Variants in CADPS2 observed in about 807,000 individuals in gnomAD.
The protein encoded by CADPS2 is calcium-dependent secretion activator 2.
Under a neutral mutation model 172.5 loss-of-function variants are expected in CADPS2, and 93 were observed. The ratio of observed to expected loss-of-function variants is 0.54; its 90% CI spans 0.46 to 0.64. The LOEUF (loss-of-function observed/expected upper bound fraction) is 0.64, where lower values mean the gene tolerates loss of function less well. Ranked by LOEUF, CADPS2 falls within the 30% of genes least tolerant of loss-of-function variation. The pLI, the probability that CADPS2 is intolerant of heterozygous loss-of-function variation, is 0.00. For missense variants in CADPS2, 1,420 were observed against 1,565.9 expected (o/e 0.91, Z 1.57); for synonymous variants, 546 against 555.2 (o/e 0.98, Z 0.23).
intron 2 of CADPS2, among the ~76,000 whole-genome samples, chr7:122,680,004 C>G (rs924859454): frequency 6.6e-6 from 1 of 152,154 alleles, no homozygotes; most frequent in African/African-American, 2.4e-5. Context: ...GACCTATGTA[C>G]AGGAATGAAC....
intron 2 of CADPS2, chr7:122,698,548 G>T (rs2085509452): frequency 6.2e-7 from 1 of 1,613,968 alleles, no homozygotes; most frequent in African/African-American, 1.3e-5. Context: ...CACTCCACTG[G>T]CTCCCTTCTC....
At chr7:122,569,518 T>C (rs1013665805) in intron 7 of CADPS2, among the ~76,000 whole-genome samples, 2 of 147,132 alleles carry the variant, frequency 1.4e-5, no homozygotes, top group African/African-American at 5.2e-5. Flanking sequence ...CTTCACAGAA[T>C]TGGAAAAAAC....
intron 1 of CADPS2, among the ~76,000 whole-genome samples, chr7:122,798,288 G>C (rs987673085): frequency 6.6e-6 from 1 of 152,102 alleles, no homozygotes; most frequent in African/African-American, 2.4e-5. Flanking sequence ...CAGGGCTGCA[G>C]TTCACCCAGC....
intron 2 of CADPS2, among the ~76,000 whole-genome samples, chr7:122,689,843 G>A (rs945659165): frequency 3.3e-5 from 5 of 152,286 alleles, no homozygotes; most frequent in African/African-American, 1.2e-4. Context: ...GGTGGTGTCC[G>A]CAATGGGGGC....
At chr7:122,711,766 C>A (rs2088768671) in intron 2 of CADPS2, among the ~76,000 whole-genome samples, 2 of 152,074 alleles carry the variant, frequency 1.3e-5, no homozygotes, top group African/African-American at 4.8e-5. Context: ...GATTCTCCTG[C>A]CTCAGCCCCC....
At chr7:122,500,290 A>G (rs1563520637) in intron 9 of CADPS2, among the ~76,000 whole-genome samples, 1 of 152,120 alleles carries the variant, frequency 6.6e-6, no homozygotes, top group Non-Finnish European at 1.5e-5. Flanking sequence ...TGGCTTCCAC[A>G]GTGTGTGGCA....
At chr7:122,821,398 T>A (rs1226092907) in intron 1 of CADPS2, among the ~76,000 whole-genome samples, 2 of 152,010 alleles carry the variant, frequency 1.3e-5, no homozygotes, top group African/African-American at 4.8e-5. Context: ...ATTCTACTAC[T>A]CCTCAGGGAT....
At chr7:122,700,488 G>A (rs1270584567) in intron 2 of CADPS2, among the ~76,000 whole-genome samples, 1 of 152,080 alleles carries the variant, frequency 6.6e-6, no homozygotes, top group Non-Finnish European at 1.5e-5. Context: ...GTAGTATATG[G>A]TGTGTATATT....
intron 9 of CADPS2, among the ~76,000 whole-genome samples, chr7:122,493,773 T>C (rs1192163169): frequency 6.6e-6 from 1 of 151,990 alleles, no homozygotes; most frequent in Non-Finnish European, 1.5e-5. Context: ...CTTTCACTGT[T>C]ATTTGAGTTT....
At chr7:122,745,211 T>TA (rs1233810900) in intron 1 of CADPS2, among the ~76,000 whole-genome samples, 10 of 151,990 alleles carry the variant, frequency 6.6e-5, no homozygotes, top group Non-Finnish European at 1.3e-4. Context: ...TATTATTAAT[T>TA]ATAGTCACTA....
At chr7:122,417,487 A>G (rs955490041) in intron 17 of CADPS2, among the ~76,000 whole-genome samples, 2 of 152,346 alleles carry the variant, frequency 1.3e-5, no homozygotes, top group African/African-American at 2.4e-5. Context: ...GCAGTATGAG[A>G]CACACTTCCA....
intron 6 of CADPS2, among the ~76,000 whole-genome samples, chr7:122,613,518 A>T (rs1355492233): frequency 6.6e-6 from 1 of 152,134 alleles, no homozygotes; most frequent in Non-Finnish European, 1.5e-5. Context: ...ACCTAATGAC[A>T]CGTTTCTCAG....
At chr7:122,472,573 A>T (rs951001025) in intron 13 of CADPS2, among the ~76,000 whole-genome samples, 1 of 152,140 alleles carries the variant, frequency 6.6e-6, no homozygotes, top group South Asian at 2.1e-4. Context: ...GCAGTGGAAG[A>T]CCTTGTAGCA....
At chr7:122,518,931 C>T (rs1330224844) in intron 8 of CADPS2, among the ~76,000 whole-genome samples, 1 of 152,042 alleles carries the variant, frequency 6.6e-6, no homozygotes, top group East Asian at 1.9e-4. Context: ...TTAATTTCCA[C>T]CAACCTACAG....
At chr7:122,820,556 G>GTTTTTTTTTTTTT (rs551121404) in intron 1 of CADPS2, among the ~76,000 whole-genome samples, 2 of 86,536 alleles carry the variant, frequency 2.3e-5, no homozygotes, top group Non-Finnish European at 2.2e-5. Flanking sequence ...TTTGTTTTTT[G>GTTTTTTTTTTTTT]TTTTTTTTTT....
At chr7:122,554,279 G>T (rs1046693037) in intron 8 of CADPS2, among the ~76,000 whole-genome samples, 1 of 152,100 alleles carries the variant, frequency 6.6e-6, no homozygotes, top group African/African-American at 2.4e-5. Flanking sequence ...CTGGTGCCCT[G>T]TATCAATATG....
chr7:122,548,907 G>C (rs951234030), intron 8 of CADPS2, among the ~76,000 whole-genome samples: 1 of 152,046 alleles, frequency 6.6e-6, no homozygotes, highest in Non-Finnish European at 1.5e-5. Flanking sequence ...AAAGAGCAAC[G>C]AACTACCATA....
At chr7:122,638,308 G>A (rs1421280109) in intron 3 of CADPS2, among the ~76,000 whole-genome samples, 2 of 152,148 alleles carry the variant, frequency 1.3e-5, no homozygotes, top group African/African-American at 2.4e-5. Context: ...AGTATTCTGA[G>A]AGGGAGGGCG....
chr7:122,790,356 G>A (rs568364926), intron 1 of CADPS2, among the ~76,000 whole-genome samples: 23 of 147,452 alleles, frequency 1.6e-4, no homozygotes, highest in Admixed American at 8.9e-4. Flanking sequence ...GTATGATTGC[G>A]TCACTGCATG....
Sources: gnomAD v4.1 joint callset for allele counts (sites outside exome capture counted in the v4.1 genomes callset) on GRCh38, gnomAD v4.1.1 for gene constraint, MANE v1.5 for transcripts, NCBI Gene and HGNC (gene_info 2026-07-23, HGNC 2026-07-21) for gene names.